The following RASGRF1 variants were observed in gnomAD, a reference collection of about 807,000 sequenced individuals.
RASGRF1 encodes ras-specific guanine nucleotide-releasing factor 1.
A neutral mutation model predicts 138.7 loss-of-function variants in RASGRF1; 40 were observed. The observed-to-expected ratio is 0.29, with a 90% CI of 0.22 to 0.38. The LOEUF (loss-of-function observed/expected upper bound fraction) is 0.38. Ranked by LOEUF, RASGRF1 falls within the 10% of genes least tolerant of loss-of-function variation. The pLI is 1.00. For synonymous variants in RASGRF1, 614 were observed against 663.2 expected (o/e 0.93, Z 1.14); for missense variants, 1,108 against 1,650.4 (o/e 0.67, Z 5.69).
In RASGRF1 at chr15:79,009,803, C is replaced by T. The variant is rs924266220; in HGVS notation, c.1827-3369G>A. ...GCAGTGGTGCGATCTTGGCTCACTG[C>T]AACCTCCGCCTCCCGGGTTCAAGTG... On this transcript the variant is annotated intron_variant, in intron 13 of 26. Transcript: ENST00000558480. 2.0e-5 allele frequency among the ~76,000 whole-genome samples: 3 copies of T among 152,066 alleles called. No homozygotes were observed. In the East Asian group the frequency reaches 5.8e-4, roughly 29 times the overall value.
At chr15:78,968,250 A>ATTGTGTGTGTGTGTGTGTG (rs140770821) in intron 26 of RASGRF1, among the ~76,000 whole-genome samples, 1 of 134,226 alleles carries the variant, frequency 7.5e-6, no homozygotes, top group East Asian at 2.1e-4. Context: ...CATGACACTG[A>ATTGTGTGTGTGTGTGTGTG]TGTGTGTGTG....
chr15:79,025,591 C>A, intron 9 of RASGRF1, 117 bp from the exon 10 acceptor site: 2 of 1,279,316 alleles, frequency 1.6e-6, no homozygotes, highest in East Asian at 2.4e-5. Context: ...ATTCTGTTTC[C>A]CAGTAGCAAA....
At chr15:79,033,988 C>T (rs1166763465) in intron 6 of RASGRF1, among the ~76,000 whole-genome samples, 3 of 152,194 alleles carry the variant, frequency 2.0e-5, no homozygotes, top group African/African-American at 4.8e-5. Context: ...GACCACCTGA[C>T]GGACAATGTC....
At chr15:78,976,494 C>T (rs924532774) in intron 24 of RASGRF1, among the ~76,000 whole-genome samples, 3 of 152,032 alleles carry the variant, frequency 2.0e-5, no homozygotes, top group Non-Finnish European at 2.9e-5. Context: ...CCTTAGGCCA[C>T]GGGTTGGACA....
At chr15:79,022,912 C>T (rs12438126) in intron 10 of RASGRF1, among the ~76,000 whole-genome samples, 70,920 of 151,984 alleles carry the variant, frequency 0.47, 18,206 homozygotes, top group South Asian at 0.63. Context: ...CGGTGGCTCA[C>T]GCCTGTAATC....
chr15:79,061,074 CA>C (rs1312604980), intron 2 of RASGRF1, among the ~76,000 whole-genome samples: 1 of 152,130 alleles, frequency 6.6e-6, no homozygotes, highest in Non-Finnish European at 1.5e-5. Flanking sequence ...TGGAGGAGGC[CA>C]TGTGGCAAGG....
In RASGRF1 at chr15:78,985,095, T is replaced by C; in HGVS notation, c.3326A>G (p.Asn1109Ser). The C allele has an allele frequency of 6.2e-7, 1 of 1,613,848 alleles. No homozygotes were observed. Among genetic ancestry groups the C allele is most frequent in the Non-Finnish European group, 8.5e-7 (1 of 1,179,794 alleles). Residue 1109 changes from asparagine to serine, a missense_variant, in exon 23 of 27, where the codon AAC becomes AGC. Transcript: ENST00000558480. Reference sequence around the variant, plus strand: ...GGTGATCTCCAGTACGGCATTGTAGTTGTGGAGGCAGCGGCATATGTCAGC... The same window carrying C: ...GGTGATCTCCAGTACGGCATTGTAGCTGTGGAGGCAGCGGCATATGTCAGC... ...AVADICRCLHNYNAVLEITSS... is the reference protein window; with the variant it reads ...AVADICRCLHSYNAVLEITSS...
Position 78,962,200 on chromosome 15 carries a change from C to T in RASGRF1, c.3718G>A (p.Asp1240Asn), listed in dbSNP as rs369313987. The T allele has an allele frequency of 4.4e-5, 69 of 1,586,000 alleles. 1 individual carries two copies. In the South Asian group the frequency reaches 6.6e-4, roughly 15 times the overall value. ...GAAGACTCGTAGAGGCTTTCTTCAT[C>T]CATTACAAAAGATTGGTCCAGTAAA... Reference protein sequence around the residue: ...QYLLDQSFVMDEESLYESSLR... With the variant: ...QYLLDQSFVMNEESLYESSLR... The change falls in exon 27 of 27, where the codon GAT becomes AAT. Residue 1240 changes from aspartate (D) to asparagine (N), a missense_variant. Asp to Asn is a conservative substitution (Grantham distance 23). This residue lies in a region of RASGRF1 where 686 missense variants were observed against 976.7 expected (regional missense o/e 0.70). Transcript: ENST00000558480.
chr15:78,964,133 A>G (rs975178809), intron 26 of RASGRF1, among the ~76,000 whole-genome samples: 2 of 152,054 alleles, frequency 1.3e-5, no homozygotes, highest in African/African-American at 4.8e-5. Context: ...CACCATTGCA[A>G]AGCAGTTAAT....
intron 1 of RASGRF1, among the ~76,000 whole-genome samples, chr15:79,079,243 C>G (rs1181831357): frequency 6.6e-6 from 1 of 152,194 alleles, no homozygotes; most frequent in Non-Finnish European, 1.5e-5. Flanking sequence ...GATGACGCCT[C>G]AGCCAGCCTG....
chr15:79,057,205 C>T (rs764531056), intron 3 of RASGRF1, among the ~76,000 whole-genome samples: 2 of 150,976 alleles, frequency 1.3e-5, no homozygotes, highest in Non-Finnish European at 2.9e-5. Context: ...TGTCGCAGGG[C>T]AAGGCGACAG....
chr15:79,075,913 G>A (rs2057827006), intron 1 of RASGRF1, among the ~76,000 whole-genome samples: 1 of 152,126 alleles, frequency 6.6e-6, no homozygotes, highest in Non-Finnish European at 1.5e-5. Flanking sequence ...TATACACGTG[G>A]TATTAGAGTG....
At chr15:78,994,325 G>A (rs979047395) in intron 20 of RASGRF1, among the ~76,000 whole-genome samples, 2 of 152,232 alleles carry the variant, frequency 1.3e-5, no homozygotes, top group African/African-American at 4.8e-5. Flanking sequence ...TGTGGGCAGA[G>A]TGCTTACAGC....
At position 79,046,657 on chromosome 15, in the gene RASGRF1, G is replaced by C; in HGVS notation, c.878+89C>G. ...TCTGGGCCTCATCTGCACTCGGTGGGAACCACGTGAGAGAGTGTGTCAAAG... is the reference window on the plus strand; with the variant it reads ...TCTGGGCCTCATCTGCACTCGGTGGCAACCACGTGAGAGAGTGTGTCAAAG... On this transcript the variant is annotated intron_variant, in intron 5 of 26. Coordinates refer to ENST00000558480, the MANE Select transcript of RASGRF1 (RefSeq NM_001145648.3). This position sits in a 1 kb window ranked among gnomAD's most constrained non-coding sequence, Gnocchi z 5.3. 6.4e-7 allele frequency: 1 copy of C among 1,564,708 alleles called. No homozygotes were observed. The highest frequency in any genetic ancestry group is 2.3e-5 in the East Asian group (1 of 44,240).
chr15:79,014,605 C>T (rs1034801630), intron 13 of RASGRF1, among the ~76,000 whole-genome samples: 35 of 152,108 alleles, frequency 2.3e-4, no homozygotes, highest in African/African-American at 8.0e-4. Flanking sequence ...GGTAGGAAGG[C>T]GGTGAGGGAT....
intron 3 of RASGRF1, among the ~76,000 whole-genome samples, chr15:79,054,610 T>C (rs1371161901): frequency 6.6e-6 from 1 of 152,212 alleles, no homozygotes; most frequent in Non-Finnish European, 1.5e-5. Flanking sequence ...GACTGGTGAA[T>C]TTCTTGATGG....
At chr15:78,987,821 G>A (rs1305531709) in intron 22 of RASGRF1, among the ~76,000 whole-genome samples, 1 of 152,158 alleles carries the variant, frequency 6.6e-6, no homozygotes, top group African/African-American at 2.4e-5. Flanking sequence ...AGGCAGTTGA[G>A]GTGTGGGGTA....
At chr15:79,039,293 T>A (rs1424828947) in intron 5 of RASGRF1, among the ~76,000 whole-genome samples, 9 of 96,942 alleles carry the variant, frequency 9.3e-5, no homozygotes, top group African/African-American at 3.7e-4. Flanking sequence ...TGAGACCCTG[T>A]CTCAAAAAAA....
intron 1 of RASGRF1, among the ~76,000 whole-genome samples, chr15:79,088,786 A>G (rs373125720): frequency 2.0e-4 from 30 of 152,326 alleles, no homozygotes; most frequent in African/African-American, 6.3e-4. Context: ...TGGCTCTTCC[A>G]CATGAGTTCC....
Sources: gnomAD v4.1 joint callset for allele counts (sites outside exome capture counted in the v4.1 genomes callset) on GRCh38, gnomAD v4.1.1 for gene constraint, gnomAD v4.1.1 regional missense constraint, Gnocchi (gnomAD v3.1) non-coding constraint, MANE v1.5 for transcripts, NCBI Gene and HGNC (gene_info 2026-07-23, HGNC 2026-07-21) for gene names.